FAM180A: variants seen among roughly 807,000 people sequenced by gnomAD.
FAM180A encodes family with sequence similarity 180 member A.
In FAM180A, 14 loss-of-function variants were observed where a neutral mutation model predicts 15.3. That is an observed-to-expected ratio of 0.92 (90% CI 0.61 to 1.43). The LOEUF (loss-of-function observed/expected upper bound fraction) is 1.43. Among genes scored for constraint, FAM180A ranks in the 40% most tolerant of loss-of-function variants. FAM180A has a pLI of 0.00. For missense variants in FAM180A, 200 were observed against 220.8 expected, an observed-to-expected ratio of 0.91 and a Z score of 0.60; for synonymous variants, 90 against 96.8, an observed-to-expected ratio of 0.93 and a Z score of 0.41.
chr7:135,744,919 G>A (rs1797008529), intron 1 of FAM180A, among the ~76,000 whole-genome samples: 1 of 152,126 alleles, frequency 6.6e-6, no homozygotes, highest in Non-Finnish European at 1.5e-5. Flanking sequence ...TTTGGATACA[G>A]GGTCTTGCTC....
chr7:135,740,959 C>A (rs1361394109), intron 1 of FAM180A, among the ~76,000 whole-genome samples: 123 of 39,848 alleles, frequency 3.1e-3, no homozygotes, highest in Non-Finnish European at 0.011. Context: ...TAAAAAAAAA[C>A]AAAACAAAAC....
At chr7:135,732,680 G>A (rs1462221343) in intron 3 of FAM180A, among the ~76,000 whole-genome samples, 1 of 147,710 alleles carries the variant, frequency 6.8e-6, no homozygotes, top group African/African-American at 2.5e-5. Flanking sequence ...ATGGCAGAGC[G>A]AGACTCCATC....
intron 3 of FAM180A, among the ~76,000 whole-genome samples, chr7:135,731,350 T>C (rs1184261615): frequency 6.6e-6 from 1 of 152,088 alleles, no homozygotes; most frequent in Non-Finnish European, 1.5e-5. Flanking sequence ...ACGCTGTCTG[T>C]ACACTGACTT....
At chr7:135,736,896 T>C (rs899622669) in intron 2 of FAM180A, among the ~76,000 whole-genome samples, 3 of 152,214 alleles carry the variant, frequency 2.0e-5, no homozygotes, top group Non-Finnish European at 4.4e-5. Context: ...TTGTCTGTTA[T>C]AGCATGTGGG....
rs767403406 is a variant in FAM180A, at chr7:135,734,228, C to A, written c.269G>T (p.Arg90Leu). 2.5e-6 allele frequency: 4 copies of A among 1,614,150 alleles called. No individual in the cohort carries two copies. The highest frequency in any genetic ancestry group is 1.3e-5 in the African/African-American group (1 of 75,046). ...GGGGATGACGTTGTTGCAGACGGTG[C>A]GGAAGTCTGAGGCCTTCCGCAAGGA... ...LASLRKASDF[R>L]TVCNNVIPKS... Residue 90 changes from arginine (R) to leucine (L), a missense_variant, in exon 3 of 4, where the codon CGC becomes CTC. By Grantham distance (102) the Arg-to-Leu change is moderately radical. Transcript: ENST00000338588.
rs1434511985 is a variant in FAM180A, at chr7:135,748,555, A to G, written c.26T>C (p.Leu9Pro). ...AGCCTCAGCATTGTAATACAACAGCAGAAGCAGCAACATCTTCCAATGCAT... is the reference window on the plus strand; with the variant it reads ...AGCCTCAGCATTGTAATACAACAGCGGAAGCAGCAACATCTTCCAATGCAT... MHWKMLLLLLLYYNAEASM... is the reference protein window; with the variant it reads MHWKMLLLPLLYYNAEASM... Residue 9 changes from leucine (L) to proline (P), a missense_variant, in exon 1 of 4, where the codon CTG (leucine) becomes CCG (proline). Transcript: ENST00000338588. The G allele has an allele frequency of 1.9e-6, 3 of 1,614,186 alleles. No individual in the cohort carries two copies. The highest frequency in any genetic ancestry group is 8.5e-7 in the Non-Finnish European group (1 of 1,180,000).
chr7:135,742,949 C>T (rs1344318543), intron 1 of FAM180A, among the ~76,000 whole-genome samples: 1 of 152,222 alleles, frequency 6.6e-6, no homozygotes, highest in African/African-American at 2.4e-5. Context: ...AACCCAATCT[C>T]ACTGATAAGT....
chr7:135,743,746 G>C lies in FAM180A; in HGVS notation c.76+4759C>G, dbSNP rs1165840128. Among the ~76,000 whole-genome samples, 3 of 152,032 alleles carry C rather than the reference G, an allele frequency of 2.0e-5. No homozygotes were observed. In the East Asian group the frequency reaches 5.8e-4, roughly 29 times the overall value. ...TGTTGCCTGTTTCCCCTCACTAGAG[G>C]GTATGGGATTTTGTCTATTTTGTTC... On this transcript the variant is annotated intron_variant, in intron 1 of 3. Coordinates refer to ENST00000338588, the MANE Select transcript of FAM180A (RefSeq NM_205855.4).
chr7:135,744,879 T>C (rs1308951002), intron 1 of FAM180A, among the ~76,000 whole-genome samples: 1 of 152,166 alleles, frequency 6.6e-6, no homozygotes, highest in Admixed American at 6.5e-5. Flanking sequence ...ATGGGGCACT[T>C]GGGCAGTGAA....
At chr7:135,740,850 G>T in intron 1 of FAM180A, among the ~76,000 whole-genome samples, 1 of 147,962 alleles carries the variant, frequency 6.8e-6, no homozygotes, top group South Asian at 2.5e-4. Flanking sequence ...AAAGGAGGTG[G>T]ATGAAACCCC....
rs564496862 is a variant in FAM180A at position 135,729,629 on chromosome 7, C to T, written c.*982G>A. The T allele has an allele frequency of 8.1e-6, 8 of 983,558 alleles. No individual in the cohort carries two copies. The East Asian group carries it at 6.8e-4, about 84-fold the overall frequency. 60.9% of individuals were successfully genotyped at this position (983,558 alleles called of 1,614,324 possible). A position where few individuals can be genotyped will look rare whatever the true frequency, so the allele number is the denominator to read the frequency against. ...ACTCAATCATGACATCTTTATTATA[C>T]CATAGATGAATATTTGTTAAATAAA... On this transcript the variant is annotated 3_prime_UTR_variant, in exon 4 of 4. Coordinates refer to ENST00000338588, the MANE Select transcript of FAM180A (RefSeq NM_205855.4).
chr7:135,737,013 G>A, intron 2 of FAM180A, 86 bp downstream of exon 2: 4 of 1,045,410 alleles, frequency 3.8e-6, no homozygotes, highest in Non-Finnish European at 5.8e-6. Context: ...CAGGGGCTGA[G>A]GGGTCACTTC....
In FAM180A at chr7:135,729,877, C is replaced by T. The variant is rs1248278001; in HGVS notation, c.*734G>A. On this transcript the variant is annotated 3_prime_UTR_variant, in exon 4 of 4. Transcript: ENST00000338588. ...GGGGAAGGGGAAAAGAGGAGTTGTTCGGTGGGTATAGAACTTCAGAATTAC... is the reference window on the plus strand; with the variant it reads ...GGGGAAGGGGAAAAGAGGAGTTGTTTGGTGGGTATAGAACTTCAGAATTAC... 8 of 700,120 alleles carry T rather than the reference C, an allele frequency of 1.1e-5. No homozygotes were observed. The highest frequency in any genetic ancestry group is 6.5e-5 in the South Asian group (1 of 15,422). The allele number at this position is 700,120 out of a possible 1,614,324, so 43.4% of individuals were successfully genotyped here. A position where few individuals can be genotyped will look rare whatever the true frequency, so the allele number is the denominator to read the frequency against.
chr7:135,736,290 G>A (rs901778125), intron 2 of FAM180A, among the ~76,000 whole-genome samples: 4 of 152,204 alleles, frequency 2.6e-5, no homozygotes, highest in African/African-American at 9.7e-5. Flanking sequence ...CAAAGTGCTG[G>A]GATTACAGGC....
At chr7:135,736,714 G>T (rs1012982728) in intron 2 of FAM180A, among the ~76,000 whole-genome samples, 6 of 152,192 alleles carry the variant, frequency 3.9e-5, no homozygotes, top group African/African-American at 1.4e-4. Flanking sequence ...AGCATGCAGG[G>T]CCTTGGAGAC....
At chr7:135,731,481 A>T (rs1796781292) in intron 3 of FAM180A, among the ~76,000 whole-genome samples, 1 of 152,008 alleles carries the variant, frequency 6.6e-6, no homozygotes, top group South Asian at 2.1e-4. Flanking sequence ...CAAAAAACAG[A>T]TACAGAGATA....
At chr7:135,737,642 T>C (rs1274045937) in intron 1 of FAM180A, among the ~76,000 whole-genome samples, 1 of 140,084 alleles carries the variant, frequency 7.1e-6, no homozygotes, top group Non-Finnish European at 1.5e-5. Flanking sequence ...TGGAAAGTGG[T>C]GGTGGACACA....
intron 3 of FAM180A, among the ~76,000 whole-genome samples, chr7:135,732,969 G>T (rs1343962565): frequency 1.5e-4 from 23 of 152,162 alleles, no homozygotes. Context: ...CACCTTGTTC[G>T]TTGGGAGACT....
chr7:135,740,209 C>A (rs1003217815), intron 1 of FAM180A, among the ~76,000 whole-genome samples: 15 of 152,186 alleles, frequency 9.9e-5, no homozygotes, highest in Non-Finnish European at 1.2e-4. Context: ...CTAGTTAACA[C>A]TGTTAGAGTC....
Sources: gnomAD v4.1 joint callset for allele counts (sites outside exome capture counted in the v4.1 genomes callset) on GRCh38, gnomAD v4.1.1 for gene constraint, MANE v1.5 for transcripts, NCBI Gene and HGNC (gene_info 2026-07-23, HGNC 2026-07-21) for gene names.